The following TULP4 variants were observed in gnomAD, a reference collection of about 807,000 sequenced individuals.
TULP4 encodes the protein TUB like protein 4, also known as tubby-related protein 4.
TULP4 carries 16 observed loss-of-function variants against 129.0 expected under a neutral mutation model. The ratio of observed to expected loss-of-function variants is 0.12; its 90% CI spans 0.08 to 0.19. The LOEUF (loss-of-function observed/expected upper bound fraction) is 0.19. Among genes scored for constraint, TULP4 ranks in the 10% least tolerant of loss-of-function variants. TULP4 has a pLI of 1.00. For missense variants in TULP4, 1,842 were observed against 2,059.1 expected (o/e 0.89, Z 2.04); for synonymous variants, 998 against 854.0 (o/e 1.17, Z -2.94).
intron 2 of TULP4, among the ~76,000 whole-genome samples, chr6:158,424,626 G>A (rs373454609): frequency 6.6e-6 from 1 of 152,126 alleles, no homozygotes; most frequent in South Asian, 2.1e-4. Context: ...AATAGTTGTT[G>A]TATTATTTAG....
chr6:158,425,341 T>G (rs112480845), intron 2 of TULP4, among the ~76,000 whole-genome samples: 3,931 of 151,040 alleles, frequency 0.026, 156 homozygotes, highest in African/African-American at 0.085. Context: ...TGGTGAAACC[T>G]CGTCTCGACT....
intron 1 of TULP4, among the ~76,000 whole-genome samples, chr6:158,276,735 ACTGC>A (rs1344366559): frequency 6.6e-6 from 1 of 152,130 alleles, no homozygotes; most frequent in Non-Finnish European, 1.5e-5. Flanking sequence ...GCAAACCAGC[ACTGC>A]CTTCTCTGCA....
chr6:158,311,925 G>A, upstream of TULP4: 4 of 391,352 alleles, frequency 1.0e-5, no homozygotes, highest in Non-Finnish European at 1.8e-5. Flanking sequence ...AGTGCAGTCA[G>A]TAGCTCCATT....
rs977403413 is a variant in TULP4, at chr6:158,508,767, G to A, written c.*2073G>A. The A allele has an allele frequency of 1.5e-4, 22 of 150,088 alleles. No homozygotes were observed. Among genetic ancestry groups the A allele is most frequent in the African/African-American group, 4.7e-4 (19 of 40,548 alleles). 9.3% of individuals were successfully genotyped at this position (150,088 alleles called of 1,614,324 possible). ...TTCTTAGGAATTATTTTGTTGTTAC[G>A]TTTTGGTGAGTTATACCCATTTTAT... On this transcript the variant is annotated 3_prime_UTR_variant, in exon 14 of 14. Coordinates refer to ENST00000367097, the MANE Select transcript of TULP4 (RefSeq NM_020245.5).
intron 2 of TULP4, among the ~76,000 whole-genome samples, chr6:158,426,606 GT>G (rs1778500382): frequency 6.6e-6 from 1 of 152,196 alleles, no homozygotes; most frequent in Non-Finnish European, 1.5e-5. Flanking sequence ...GTACCATGCT[GT>G]TTTGGTTACT....
At chr6:158,445,555 C>G (rs78774551) in intron 3 of TULP4, among the ~76,000 whole-genome samples, 2 of 152,050 alleles carry the variant, frequency 1.3e-5, no homozygotes, top group Non-Finnish European at 2.9e-5. Context: ...GAGACAGGCA[C>G]GCAAAACCAG....
chr6:158,251,590 A>G (rs1322857078), intron 1 of TULP4, among the ~76,000 whole-genome samples: 1 of 152,250 alleles, frequency 6.6e-6, no homozygotes, highest in Non-Finnish European at 1.5e-5. Flanking sequence ...GCTCTAATGT[A>G]AACTGCTGAG....
intron 6 of TULP4, among the ~76,000 whole-genome samples, chr6:158,476,359 G>C (rs1194498047): frequency 1.3e-5 from 2 of 152,088 alleles, no homozygotes; most frequent in African/African-American, 4.8e-5. Context: ...CGTTGCCCTA[G>C]ATAATAATTA....
rs1160814801 is a variant in TULP4 at position 158,351,707 on chromosome 6, C to CTTTTT, written c.252+37464_252+37468dup. Among the ~76,000 whole-genome samples, 204 of 50,526 alleles carry CTTTTT rather than the reference C, an allele frequency of 4.0e-3. 48 individuals are homozygous for CTTTTT. Among genetic ancestry groups the CTTTTT allele is most frequent in the African/African-American group, 5.3e-3 (65 of 12,262 alleles). 33.1% of individuals were successfully genotyped at this position (50,526 alleles called of 152,430 possible). A position where few individuals can be genotyped will look rare whatever the true frequency, so the allele number is the denominator to read the frequency against. On this transcript the variant is annotated intron_variant, in intron 1 of 13. Coordinates refer to ENST00000367097, the MANE Select transcript of TULP4 (RefSeq NM_020245.5). ...AGTAGCATCTTTTTGTGTTGTTAAA[C>CTTTTT]TTTTTTTTTTTTTTTTTTTTTTTTT...
chr6:158,238,193 T>A (rs1459837222), intron 1 of TULP4: 1 of 801,836 alleles, frequency 1.2e-6, no homozygotes. Context: ...AATTTTCAAC[T>A]GTGCCATGGT....
At position 158,429,296 on chromosome 6, in the gene TULP4, G is replaced by A. The variant is rs115921999; in HGVS notation, c.382-440G>A. On this transcript the variant is annotated intron_variant, in intron 2 of 13. Transcript: ENST00000367097. ...TAGGACTACGGGCACGTGCCAGCAC[G>A]CTTGCCTCATTTTTGTATTTTTAGT... Among the ~76,000 whole-genome samples the A allele has an allele frequency of 4.0e-3, 613 of 152,318 alleles. 6 individuals carry two copies. The highest frequency in any genetic ancestry group is 0.013 in the African/African-American group (527 of 41,572).
At chr6:158,473,294 T>A (rs1779734181) in intron 6 of TULP4, among the ~76,000 whole-genome samples, 1 of 152,218 alleles carries the variant, frequency 6.6e-6, no homozygotes, top group Admixed American at 6.5e-5. Flanking sequence ...GCTTTTCCCA[T>A]TTTTTCTTGT....
chr6:158,271,950 G>A (rs945350687), intron 1 of TULP4, among the ~76,000 whole-genome samples: 9 of 152,166 alleles, frequency 5.9e-5, no homozygotes, highest in Admixed American at 5.2e-4. Context: ...TGGGACACAT[G>A]TGCAGTGGAG....
At chr6:158,498,407 A>G (rs570305727) in intron 11 of TULP4, among the ~76,000 whole-genome samples, 45 of 152,370 alleles carry the variant, frequency 3.0e-4, no homozygotes, top group African/African-American at 1.0e-3. Flanking sequence ...TGAAATTTGT[A>G]GTTCTGTAGA....
intron 1 of TULP4, among the ~76,000 whole-genome samples, chr6:158,254,442 C>G (rs949182993): frequency 6.6e-6 from 1 of 152,118 alleles, no homozygotes; most frequent in African/African-American, 2.4e-5. Flanking sequence ...CACACCCAGC[C>G]CAGAAACACC....
At chr6:158,324,261 T>C (rs903570183) in intron 1 of TULP4, among the ~76,000 whole-genome samples, 8 of 152,168 alleles carry the variant, frequency 5.3e-5, no homozygotes, top group Non-Finnish European at 1.2e-4. Flanking sequence ...TTAAAAAATA[T>C]TCTTACATTC....
At chr6:158,275,189 C>A (rs1300589395) in intron 1 of TULP4, among the ~76,000 whole-genome samples, 1 of 152,180 alleles carries the variant, frequency 6.6e-6, no homozygotes, top group African/African-American at 2.4e-5. Context: ...GGAGCCCACG[C>A]GCTACAAGTG....
intron 9 of TULP4, among the ~76,000 whole-genome samples, chr6:158,491,347 T>C (rs1377897223): frequency 1.3e-5 from 2 of 152,242 alleles, no homozygotes; most frequent in Non-Finnish European, 2.9e-5. Flanking sequence ...TGTTCAAGTC[T>C]TCTGCCCAAT....
At chr6:158,410,222 G>C (rs1716492067) in intron 1 of TULP4, among the ~76,000 whole-genome samples, 1 of 152,222 alleles carries the variant, frequency 6.6e-6, no homozygotes, top group African/African-American at 2.4e-5. Context: ...AATGGCAACT[G>C]TGTTGTCATA....
Sources: gnomAD v4.1 joint callset for allele counts (sites outside exome capture counted in the v4.1 genomes callset) on GRCh38, gnomAD v4.1.1 for gene constraint, MANE v1.5 for transcripts, NCBI Gene and HGNC (gene_info 2026-07-23, HGNC 2026-07-21) for gene names.